TUSC3: variants seen among roughly 807,000 people sequenced by gnomAD.
TUSC3 encodes the protein tumor suppressor candidate 3.
Under a neutral mutation model 44.8 loss-of-function variants are expected in TUSC3, and 45 were observed. That is an observed-to-expected ratio of 1.00 (90% CI 0.79 to 1.29). The LOEUF (loss-of-function observed/expected upper bound fraction) is 1.29, where lower values mean the gene tolerates loss of function less well. Among genes scored for constraint, TUSC3 ranks in the 50% most tolerant of loss-of-function variants. The probability of loss-of-function intolerance (pLI) is 0.00; values close to 1 mark genes in which losing one functional copy is unlikely to be tolerated. For synonymous variants in TUSC3, 212 were observed against 152.9 expected, an observed-to-expected ratio of 1.39 and a Z score of -2.85; for missense variants, 519 against 437.9, an observed-to-expected ratio of 1.19 and a Z score of -1.65.
At chr8:15,582,116 C>G (rs1035087603) in intron 1 of TUSC3, among the ~76,000 whole-genome samples, 3 of 150,668 alleles carry the variant, frequency 2.0e-5, no homozygotes, top group South Asian at 2.1e-4. Context: ...AAAGGGAACT[C>G]CCTGACCCCT....
chr8:15,436,629 C>T (rs1338921421), intron 1 of TUSC3, among the ~76,000 whole-genome samples: 1 of 152,056 alleles, frequency 6.6e-6, no homozygotes, highest in East Asian at 1.9e-4. Context: ...ATTGTGATTG[C>T]ATTACTTATT....
chr8:15,523,584 C>T (rs968889923), intron 2 of TUSC3, among the ~76,000 whole-genome samples: 2 of 148,936 alleles, frequency 1.3e-5, no homozygotes, highest in Non-Finnish European at 1.5e-5. Flanking sequence ...AAATGCCTTG[C>T]CGACTTTCCA....
intron 6 of TUSC3, chr8:15,689,089 T>C: frequency 2.6e-6 from 1 of 381,478 alleles, no homozygotes; most frequent in South Asian, 2.2e-5. Flanking sequence ...TAGTTTGCCT[T>C]TCTTTTCTGT....
intron 2 of TUSC3, among the ~76,000 whole-genome samples, chr8:15,631,849 G>C (rs1563143850): frequency 6.6e-6 from 1 of 151,998 alleles, no homozygotes; most frequent in South Asian, 2.1e-4. Context: ...GGGACTACAG[G>C]CACCTGCCGC....
chr8:15,608,657 G>A (rs780509384), intron 1 of TUSC3, among the ~76,000 whole-genome samples: 15 of 152,058 alleles, frequency 9.9e-5, no homozygotes, highest in African/African-American at 3.4e-4. Context: ...CGTGAGTCTC[G>A]TGAGATCCGA....
intron 1 of TUSC3, among the ~76,000 whole-genome samples, chr8:15,421,700 G>A (rs961515443): frequency 8.5e-5 from 13 of 152,098 alleles, no homozygotes; most frequent in African/African-American, 2.7e-4. Context: ...GAATGTTAAA[G>A]GTGCCTATTC....
At chr8:15,694,416 A>G (rs907023572) in intron 6 of TUSC3, among the ~76,000 whole-genome samples, 1 of 147,262 alleles carries the variant, frequency 6.8e-6, no homozygotes, top group African/African-American at 2.5e-5. Flanking sequence ...AGCGTGAGCA[A>G]CAAGACGGAA....
chr8:15,652,129 A>T (rs1466649392), intron 3 of TUSC3, among the ~76,000 whole-genome samples: 1 of 152,304 alleles, frequency 6.6e-6, no homozygotes, highest in East Asian at 1.9e-4. Context: ...TGTTTTTACT[A>T]TGTGATCAAT....
chr8:15,519,928 A>G (rs1455283694), intron 2 of TUSC3, among the ~76,000 whole-genome samples: 2 of 152,204 alleles, frequency 1.3e-5, no homozygotes, highest in Non-Finnish European at 2.9e-5. Flanking sequence ...CTCTCAATAT[A>G]CCTAAATGGA....
At chr8:15,669,048 T>C (rs745687825) in intron 5 of TUSC3, among the ~76,000 whole-genome samples, 1 of 151,736 alleles carries the variant, frequency 6.6e-6, no homozygotes, top group African/African-American at 2.4e-5. Context: ...TTGGAAAACC[T>C]TCAGTGGTTG....
At chr8:15,623,735 A>T (rs1010809888) in intron 2 of TUSC3, among the ~76,000 whole-genome samples, 1 of 152,134 alleles carries the variant, frequency 6.6e-6, no homozygotes, top group East Asian at 1.9e-4. Context: ...GGACAAGTAT[A>T]AATACTTGTC....
intron 2 of TUSC3, among the ~76,000 whole-genome samples, chr8:15,529,292 C>T (rs1009059811): frequency 4.0e-5 from 6 of 151,842 alleles, no homozygotes; most frequent in African/African-American, 7.3e-5. Context: ...AATTCTAGGG[C>T]AGAAATCAAA....
At chr8:15,502,169 A>G (rs1800975713) in intron 2 of TUSC3, among the ~76,000 whole-genome samples, 1 of 152,214 alleles carries the variant, frequency 6.6e-6, no homozygotes, top group Non-Finnish European at 1.5e-5. Context: ...GTGTAAGTCA[A>G]ATTGCAAACT....
In TUSC3 at chr8:15,462,180, A is replaced by G. The variant is rs149852027; in HGVS notation, n.92-21206A>G. On this transcript the variant is annotated intron_variant and non_coding_transcript_variant, in intron 1 of 5. Transcript: ENST00000503191. ...ATAATAACTTTAGCATGTACCATAT[A>G]CCAAGCCTACTTCTGAGCACTTTGC... Among the ~76,000 whole-genome samples the G allele has an allele frequency of 4.1e-4, 62 of 152,228 alleles. 1 individual carries two copies. In the East Asian group the frequency reaches 7.5e-3, roughly 18 times the overall value.
chr8:15,597,202 G>C (rs980781359), intron 1 of TUSC3, among the ~76,000 whole-genome samples: 1 of 152,100 alleles, frequency 6.6e-6, no homozygotes, highest in Non-Finnish European at 1.5e-5. Context: ...ATTTGCTGCA[G>C]ATTTTAATGG....
intron 1 of TUSC3, among the ~76,000 whole-genome samples, chr8:15,621,046 G>C (rs904171575): frequency 1.3e-4 from 19 of 151,666 alleles, no homozygotes; most frequent in African/African-American, 4.4e-4. Context: ...AAAATACTGA[G>C]GTAACTCATA....
At chr8:15,807,161 C>A in the TUSC3 span, 1 of 830,388 alleles carries the variant, frequency 1.2e-6, no homozygotes. Context: ...CAATCACAGC[C>A]GTATGTGCAT....
chr8:15,831,134 G>A, the TUSC3 span, among the ~76,000 whole-genome samples: 9 of 152,176 alleles, frequency 5.9e-5, no homozygotes, highest in African/African-American at 2.2e-4. Flanking sequence ...CAAAGATGGA[G>A]CGCAAAACAA....
At position 15,483,649 on chromosome 8, in the gene TUSC3, A is replaced by ATTTTTTTTTTTTTTTTTTTT. The variant is rs60092911; in HGVS notation, n.189+171_189+190dup. Among the ~76,000 whole-genome samples the ATTTTTTTTTTTTTTTTTTTT allele has an allele frequency of 3.2e-4, 21 of 66,156 alleles. 1 individual carries two copies. Among genetic ancestry groups the ATTTTTTTTTTTTTTTTTTTT allele is most frequent in the East Asian group, 2.0e-3 (3 of 1,490 alleles). 43.4% of individuals were successfully genotyped at this position (66,156 alleles called of 152,430 possible). Reference sequence around the variant, plus strand: ...CCGTCGTGCCCAGCCTAGCACTGTGATTTTTTTTTTTTTTTTTTTTTTTTG... The same window carrying ATTTTTTTTTTTTTTTTTTTT: ...CCGTCGTGCCCAGCCTAGCACTGTGATTTTTTTTTTTTTTTTTTTTTTTTTTTTTTTTTTTTTTTTTTTTG... On this transcript the variant is annotated intron_variant and non_coding_transcript_variant, in intron 2 of 5. Transcript: ENST00000503191.
Sources: gnomAD v4.1 joint callset for allele counts (sites outside exome capture counted in the v4.1 genomes callset) on GRCh38, gnomAD v4.1.1 for gene constraint, MANE v1.5 for transcripts, NCBI Gene and HGNC (gene_info 2026-07-23, HGNC 2026-07-21) for gene names.